PDXDC1: variants seen among roughly 807,000 people sequenced by gnomAD.
PDXDC1 encodes pyridoxal-dependent decarboxylase domain-containing protein 1.
Under a neutral mutation model 100.1 loss-of-function variants are expected in PDXDC1, and 42 were observed. The ratio of observed to expected loss-of-function variants is 0.42; its 90% CI spans 0.33 to 0.54. The LOEUF is 0.54. PDXDC1 is among the 20% of genes least tolerant of loss of function. The pLI is 0.10. For missense variants in PDXDC1, 636 were observed against 979.2 expected, an observed-to-expected ratio of 0.65 and a Z score of 4.68; for synonymous variants, 260 against 371.7, an observed-to-expected ratio of 0.70 and a Z score of 3.46.
the PDXDC1 span, among the ~76,000 whole-genome samples, chr16:15,149,698 T>A: frequency 6.6e-6 from 1 of 152,118 alleles, no homozygotes; most frequent in East Asian, 1.9e-4. Flanking sequence ...ACCTACCAAG[T>A]CCCTCGATGT....
intron 16 of PDXDC1, among the ~76,000 whole-genome samples, chr16:15,095,480 G>A (rs2046321345): frequency 6.6e-6 from 1 of 152,166 alleles, no homozygotes; most frequent in South Asian, 2.1e-4. Flanking sequence ...CTTGAGCCTG[G>A]GAGATAGCAC....
chr16:15,128,496 C>A (rs889562026), intron 16 of PDXDC1: 1 of 694,546 alleles, frequency 1.4e-6, no homozygotes, highest in Admixed American at 2.1e-5. Context: ...AGGAGCCACA[C>A]AGGCAGTCCC....
At chr16:15,058,794 TTG>T (rs970099846) in intron 16 of PDXDC1, among the ~76,000 whole-genome samples, 2 of 152,158 alleles carry the variant, frequency 1.3e-5, no homozygotes, top group Non-Finnish European at 2.9e-5. Context: ...GGATCCCAAT[TTG>T]TGTTTCAAAT....
At chr16:15,089,569 G>C (rs570071808) in intron 16 of PDXDC1, among the ~76,000 whole-genome samples, 15 of 152,216 alleles carry the variant, frequency 9.9e-5, no homozygotes, top group African/African-American at 3.4e-4. Flanking sequence ...GGGAGGCCAA[G>C]GCGGGCGGAT....
intron 16 of PDXDC1, among the ~76,000 whole-genome samples, chr16:15,117,839 G>A (rs1306902401): frequency 2.8e-5 from 1 of 36,102 alleles, no homozygotes; most frequent in Non-Finnish European, 5.6e-5. Context: ...TATCTTGAAA[G>A]GCAGTGCCAA....
intron 16 of PDXDC1, chr16:15,061,122 T>C (rs2044695278): frequency 6.6e-6 from 1 of 152,264 alleles, no homozygotes. Context: ...TATTGGTCTC[T>C]GAAGTCCCTG....
At chr16:15,131,981 G>A (rs186439676) in intron 16 of PDXDC1, among the ~76,000 whole-genome samples, 118 of 6,644 alleles carry the variant, frequency 0.018, 1 homozygote, top group African/African-American at 0.025. Context: ...GGGGAGAAGA[G>A]GAGGAGCAGG....
intron 16 of PDXDC1, chr16:15,125,522 G>A (rs1405469142): frequency 2.4e-5 from 37 of 1,533,106 alleles, no homozygotes; most frequent in Middle Eastern, 2.3e-4. Context: ...ACCTGCACCA[G>A]GGCTCGAGGT....
rs2041027228 is a variant in PDXDC1, at chr16:15,008,913, G to T, written c.648+66G>T. ...GTTTTGAAACTGCCTTTCAAATGAA[G>T]TTCTTTTTGCTGGCCTCCAGATAAT... is the stretch of plus-strand genomic sequence containing the variant. On this transcript the variant is annotated intron_variant, in intron 7 of 22. Transcript: ENST00000396410. The T allele has an allele frequency of 8.6e-6, 13 of 1,512,772 alleles. No homozygotes were observed. In the South Asian group the frequency reaches 1.0e-4, roughly 12 times the overall value. 93.7% of individuals were successfully genotyped at this position (1,512,772 alleles called of 1,614,324 possible).
intron 16 of PDXDC1, chr16:15,047,458 G>A (rs1181481101): frequency 6.2e-7 from 1 of 1,606,254 alleles, no homozygotes; most frequent in South Asian, 1.1e-5. Context: ...CATTGAGCGT[G>A]GTCAGAAAAG....
intron 8 of PDXDC1, among the ~76,000 whole-genome samples, chr16:15,014,533 A>G (rs2041634685): frequency 6.6e-6 from 1 of 152,292 alleles, no homozygotes; most frequent in Non-Finnish European, 1.5e-5. Flanking sequence ...CCATGCATTG[A>G]CATTTGATCT....
At chr16:15,132,569 T>C (rs550749006) in intron 16 of PDXDC1, among the ~76,000 whole-genome samples, 1 of 151,112 alleles carries the variant, frequency 6.6e-6, no homozygotes, top group South Asian at 2.1e-4. Flanking sequence ...CTGAGGCTAC[T>C]GAAGCAGGTC....
downstream of PDXDC1, among the ~76,000 whole-genome samples, chr16:15,042,718 CTATT>C (rs58123477): frequency 5.2e-3 from 766 of 147,100 alleles, 8 homozygotes; most frequent in African/African-American, 0.017. Flanking sequence ...AAAGGATGAA[CTATT>C]TATTTATTTA....
At position 15,036,652 on chromosome 16, in the gene PDXDC1, T is replaced by A; in HGVS notation, c.*377T>A. The A allele has an allele frequency of 1.7e-5, 4 of 239,604 alleles. No individual in the cohort carries two copies. The highest frequency in any genetic ancestry group is 1.0e-4 in the Admixed American group (2 of 19,708). 14.8% of individuals were successfully genotyped at this position (239,604 alleles called of 1,614,324 possible). A position where few individuals can be genotyped will look rare whatever the true frequency, so the allele number is the denominator to read the frequency against. On this transcript the variant is annotated 3_prime_UTR_variant, in exon 23 of 23. Transcript: ENST00000396410. ...GTAAAACAGCTTTTCATTAGCACTC[T>A]CCAGGTTCTCTGCAACACTTCACAG... is the stretch of plus-strand genomic sequence containing the variant.
intron 16 of PDXDC1, chr16:15,062,038 G>C: frequency 2.2e-6 from 2 of 921,082 alleles, no homozygotes; most frequent in South Asian, 1.8e-5. Context: ...AAGAAAGCCA[G>C]TGTAGTGGCA....
chr16:15,033,952 G>A (rs963954831), intron 19 of PDXDC1: 5 of 447,818 alleles, frequency 1.1e-5, no homozygotes, highest in African/African-American at 5.9e-5. Flanking sequence ...TGCTCTGAAA[G>A]GAGAGAGACA....
chr16:15,150,434 G>A, the PDXDC1 span, among the ~76,000 whole-genome samples: 1 of 151,372 alleles, frequency 6.6e-6, no homozygotes, highest in Admixed American at 6.6e-5. Flanking sequence ...GGAGGCCGAG[G>A]CAAGCAGATC....
chr16:15,076,331 A>G, intron 16 of PDXDC1: 3 of 598,516 alleles, frequency 5.0e-6, no homozygotes, highest in Non-Finnish European at 8.9e-6. Flanking sequence ...TACAAGAACA[A>G]AAGTGAAACA....
rs1826454106 is a variant in PDXDC1 at position 15,073,051 on chromosome 16, G to T, written c.1399+42995G>T. ...AAGATGTTTATCAGGTCGCGATATA[G>T]ATCCTTTGTTTTGCCGTTATCAACC... On this transcript the variant is annotated intron_variant, in intron 16 of 16. Transcript: ENST00000535621. 1 of 1,612,416 alleles carries T rather than the reference G, an allele frequency of 6.2e-7. No homozygotes were observed. Among genetic ancestry groups the T allele is most frequent in the East Asian group, 2.2e-5 (1 of 44,878 alleles).
Sources: allele counts gnomAD v4.1 joint callset (sites outside exome capture counted in the v4.1 genomes callset), GRCh38; gene constraint gnomAD v4.1.1; transcripts MANE v1.5; gene names NCBI Gene and HGNC (gene_info 2026-07-23, HGNC 2026-07-21).